Variants in CCDC138 observed in about 807,000 individuals in gnomAD.
CCDC138 encodes the protein coiled-coil domain-containing protein 138.
CCDC138 carries 66 observed loss-of-function variants against 82.3 expected under a neutral mutation model. The observed-to-expected ratio is 0.80, with a 90% CI of 0.66 to 0.98. The LOEUF is 0.98. Ranked by LOEUF, CCDC138 falls within the 50% of genes least tolerant of loss-of-function variation. The pLI, the probability that CCDC138 is intolerant of heterozygous loss-of-function variation, is 0.00. For missense variants in CCDC138, 816 were observed against 758.9 expected (o/e 1.08, Z -0.88); for synonymous variants, 297 against 265.4 (o/e 1.12, Z -1.16).
At chr2:108,842,870 T>A (rs1214029976) in intron 11 of CCDC138, among the ~76,000 whole-genome samples, 3 of 152,224 alleles carry the variant, frequency 2.0e-5, no homozygotes, top group Non-Finnish European at 4.4e-5. Context: ...ATTCAGTCTA[T>A]TGGTATGGTC....
intron 7 of CCDC138, among the ~76,000 whole-genome samples, chr2:108,807,506 A>G (rs1002188180): frequency 6.6e-6 from 1 of 152,206 alleles, no homozygotes; most frequent in African/African-American, 2.4e-5. Context: ...TGTATTGGAA[A>G]TATTCAAAAT....
chr2:108,876,023 C>T (rs754226422), intron 14 of CCDC138, 65 bp from the exon 15 acceptor site: 19 of 989,618 alleles, frequency 1.9e-5, no homozygotes, highest in Non-Finnish European at 2.7e-5. Flanking sequence ...AATTATCTGT[C>T]AGTGTCATTG....
chr2:108,851,166 G>A (rs915090290), intron 12 of CCDC138, among the ~76,000 whole-genome samples: 16 of 152,302 alleles, frequency 1.1e-4, no homozygotes, highest in Non-Finnish European at 2.4e-4. Flanking sequence ...TGAAGAGAGA[G>A]ACAGAGCAAG....
chr2:108,824,530 T>C (rs2150112012), intron 10 of CCDC138, among the ~76,000 whole-genome samples: 1 of 152,332 alleles, frequency 6.6e-6, no homozygotes, highest in East Asian at 1.9e-4. Flanking sequence ...TATCAGCTCC[T>C]ATGATAACAA....
At chr2:108,831,484 G>C (rs933986967) in intron 10 of CCDC138, among the ~76,000 whole-genome samples, 17 of 152,132 alleles carry the variant, frequency 1.1e-4, no homozygotes, top group African/African-American at 4.1e-4. Flanking sequence ...ATTTAGAGGG[G>C]ATAAAGATAT....
At chr2:108,869,062 A>G (rs1395437964) in intron 13 of CCDC138, among the ~76,000 whole-genome samples, 2 of 151,722 alleles carry the variant, frequency 1.3e-5, no homozygotes, top group African/African-American at 4.8e-5. Context: ...TTTTTTTTTC[A>G]TAATATTGTA....
intron 7 of CCDC138, among the ~76,000 whole-genome samples, chr2:108,809,987 G>T (rs756679882): frequency 2.6e-5 from 4 of 152,074 alleles, no homozygotes; most frequent in Admixed American, 1.3e-4. Flanking sequence ...TGTACTTTTA[G>T]TAGAGACGGG....
At chr2:108,881,518 C>G (rs941616313), downstream of CCDC138, among the ~76,000 whole-genome samples, 1 of 152,196 alleles carries the variant, frequency 6.6e-6, no homozygotes, top group Non-Finnish European at 1.5e-5. Context: ...TTTTCCTTTG[C>G]TTTCACAACT....
At chr2:108,881,925 C>G (rs906245954) in intron 1 of CCDC138, among the ~76,000 whole-genome samples, 1 of 152,126 alleles carries the variant, frequency 6.6e-6, no homozygotes, top group Non-Finnish European at 1.5e-5. Flanking sequence ...TAGAGGATTG[C>G]TTGAGGCCAG....
At chr2:108,809,597 A>G (rs1683456788) in intron 7 of CCDC138, among the ~76,000 whole-genome samples, 1 of 152,070 alleles carries the variant, frequency 6.6e-6, no homozygotes, top group Admixed American at 6.6e-5. Context: ...AGCCATTGTA[A>G]ACAGGATAGA....
At chr2:108,786,969 C>G (rs768149635) in intron 1 of CCDC138, 54 bp downstream of exon 1, 8 of 1,259,034 alleles carry the variant, frequency 6.4e-6, no homozygotes, top group Non-Finnish European at 7.3e-6. Context: ...GGGGGCGGCC[C>G]GCTCCGTGCC....
intron 13 of CCDC138, among the ~76,000 whole-genome samples, chr2:108,872,795 G>A (rs900228274): frequency 6.6e-6 from 1 of 152,144 alleles, no homozygotes; most frequent in African/African-American, 2.4e-5. Context: ...CAGAGGACAA[G>A]CATTCAAACT....
intron 6 of CCDC138, among the ~76,000 whole-genome samples, chr2:108,802,381 C>G (rs1257960753): frequency 2.3e-5 from 3 of 133,036 alleles, no homozygotes; most frequent in East Asian, 4.2e-4. Context: ...ATTTTATTCT[C>G]TTTGAAGCAA....
At chr2:108,846,583 A>T (rs978887264) in intron 11 of CCDC138, 155 bp from the exon 12 acceptor site, 2 of 167,724 alleles carry the variant, frequency 1.2e-5, no homozygotes, top group Admixed American at 1.3e-4. Context: ...AGGCTGAGGT[A>T]GGAGGATTGC....
chr2:108,850,515 G>A (rs374906312), intron 12 of CCDC138, among the ~76,000 whole-genome samples: 12 of 151,996 alleles, frequency 7.9e-5, no homozygotes, highest in Admixed American at 6.6e-4. Context: ...GCAGTGGCAC[G>A]ATCTTGGCTC....
rs1369692839 is a variant in CCDC138, at chr2:108,876,448, G to T, written c.*195G>T. 3 of 400,702 alleles carry T rather than the reference G, an allele frequency of 7.5e-6. No individual in the cohort carries two copies. The highest frequency in any genetic ancestry group is 1.3e-5 in the Non-Finnish European group (3 of 226,470). The allele number at this position is 400,702 out of a possible 1,614,324, so 24.8% of individuals were successfully genotyped here. A position where few individuals can be genotyped will look rare whatever the true frequency, so the allele number is the denominator to read the frequency against. On this transcript the variant is annotated 3_prime_UTR_variant, in exon 15 of 15. Transcript: ENST00000295124. ...TTTGGAATGTTTCAGTTCAGGTAAGGTAATACTAATATACAAGATGGCGTT... is the reference window on the plus strand; with the variant it reads ...TTTGGAATGTTTCAGTTCAGGTAAGTTAATACTAATATACAAGATGGCGTT...
chr2:108,822,761 A>G (rs969729069), intron 10 of CCDC138, among the ~76,000 whole-genome samples: 2 of 152,212 alleles, frequency 1.3e-5, no homozygotes, highest in Non-Finnish European at 2.9e-5. Context: ...AAAATACATC[A>G]TACCAAAATT....
At chr2:108,835,148 T>C (rs949711775) in intron 10 of CCDC138, among the ~76,000 whole-genome samples, 3 of 152,254 alleles carry the variant, frequency 2.0e-5, no homozygotes, top group Non-Finnish European at 1.5e-5. Flanking sequence ...AAAGGAAGTT[T>C]ATGCAGCTTA....
At chr2:108,809,505 A>G (rs1018340314) in intron 7 of CCDC138, among the ~76,000 whole-genome samples, 44 of 150,194 alleles carry the variant, frequency 2.9e-4, no homozygotes, top group Non-Finnish European at 5.8e-4. Flanking sequence ...AGTTTCATTC[A>G]TCAGTGTTTT....
Sources: allele counts gnomAD v4.1 joint callset (sites outside exome capture counted in the v4.1 genomes callset), GRCh38; gene constraint gnomAD v4.1.1; transcripts MANE v1.5; gene names NCBI Gene and HGNC (gene_info 2026-07-23, HGNC 2026-07-21).